VWF: variants seen among roughly 807,000 people sequenced by gnomAD.
The protein encoded by VWF is von Willebrand factor, also known as Factor VIII related antigen.
In VWF, 176 loss-of-function variants were observed where a neutral mutation model predicts 308.6. That is an observed-to-expected ratio of 0.57 (90% CI 0.50 to 0.65). VWF has a LOEUF of 0.65. Among genes scored for constraint, VWF ranks in the 30% least tolerant of loss-of-function variants. The pLI is 0.00. For synonymous variants in VWF, 1,385 were observed against 1,443.4 expected (o/e 0.96, Z 0.92); for missense variants, 3,146 against 3,648.2 (o/e 0.86, Z 3.55).
At chr12:6,003,977 G>A (rs1158035289) in intron 34 of VWF, among the ~76,000 whole-genome samples, 2 of 151,864 alleles carry the variant, frequency 1.3e-5, no homozygotes, top group African/African-American at 2.4e-5. Context: ...CACCACGCCC[G>A]GCTAATTTTT....
At position 6,063,537 on chromosome 12, in the gene VWF, G is replaced by A. The variant is rs1298300741; in HGVS notation, c.1433-483C>T. Among the ~76,000 whole-genome samples, 2 of 152,108 alleles carry A rather than the reference G, an allele frequency of 1.3e-5. No individual in the cohort carries two copies. The highest frequency in any genetic ancestry group is 6.6e-5 in the Admixed American group (1 of 15,266). On this transcript the variant is annotated intron_variant, in intron 12 of 51. Coordinates refer to ENST00000261405, the MANE Select transcript of VWF (RefSeq NM_000552.5). This position sits in a 1 kb window ranked among gnomAD's most constrained non-coding sequence, Gnocchi z 4.9. Reference sequence around the variant, plus strand: ...TAGGAGCACACCCCTTGCCCTGGGGGAACAAACATATCTTATAAGGAGACA... The same window carrying A: ...TAGGAGCACACCCCTTGCCCTGGGGAAACAAACATATCTTATAAGGAGACA...
At chr12:6,106,210 T>G (rs1466357048) in intron 5 of VWF, among the ~76,000 whole-genome samples, 1 of 152,220 alleles carries the variant, frequency 6.6e-6, no homozygotes, top group African/African-American at 2.4e-5. Flanking sequence ...TGAAATTTTT[T>G]TTCTTTTCCT....
Position 5,976,152 on chromosome 12 carries a change from C to T in VWF, c.7396G>A (p.Ala2466Thr). Reference sequence around the variant, plus strand: ...TCACAGGGCTTCTGGGAGCACTGGGCCACGCGGAGGCCCATCACGGCATCC... The same window carrying T: ...TCACAGGGCTTCTGGGAGCACTGGGTCACGCGGAGGCCCATCACGGCATCC... ...MEDAVMGLRV[A>T]QCSQKPCEDS... The change falls in exon 43 of 52, where the codon GCC (alanine) becomes ACC (threonine). Residue 2466 changes from alanine (A) to threonine (T), a missense_variant. Transcript: ENST00000261405. The T allele has an allele frequency of 1.9e-6, 3 of 1,614,072 alleles. No homozygotes were observed. Among genetic ancestry groups the T allele is most frequent in the Non-Finnish European group, 1.7e-6 (2 of 1,180,040 alleles).
chr12:6,003,714 T>C (rs752205142), intron 34 of VWF, among the ~76,000 whole-genome samples: 4 of 152,024 alleles, frequency 2.6e-5, no homozygotes, highest in Admixed American at 6.5e-5. Context: ...TGGGGTATCA[T>C]TGTCTAATGA....
chr12:6,057,494 T>C (rs1189306876), intron 14 of VWF, among the ~76,000 whole-genome samples: 1 of 139,976 alleles, frequency 7.1e-6, no homozygotes, highest in African/African-American at 2.8e-5. Context: ...TTATTATTAT[T>C]ATTATTATTA....
rs1944054577 is a variant in VWF, at chr12:6,016,176, G to A, written c.5368C>T (p.Pro1790Ser). ...ATGACCACCGCCTTTGAGGCTCCCG[G>A]CCTGGCACCATGCATTTCTGAAGTC... ...YLTSEMHGARPGASKAVVILV... is the reference protein window; with the variant it reads ...YLTSEMHGARSGASKAVVILV... Residue 1790 changes from proline (P) to serine (S), a missense_variant, in exon 31 of 52, where the codon CCG becomes TCG. Coordinates refer to ENST00000261405, the MANE Select transcript of VWF (RefSeq NM_000552.5). 6.2e-7 allele frequency: 1 copy of A among 1,614,032 alleles called. No homozygotes were observed. Among genetic ancestry groups the A allele is most frequent in the Admixed American group, 1.7e-5 (1 of 59,996 alleles).
chr12:6,095,781 G>T, intron 5 of VWF, 197 bp from the exon 6 acceptor site: 1 of 685,452 alleles, frequency 1.5e-6, no homozygotes, highest in Non-Finnish European at 2.4e-6. Flanking sequence ...CAGCACAGGA[G>T]TTTTGACTTG....
intron 5 of VWF, among the ~76,000 whole-genome samples, chr12:6,106,850 G>A (rs541396483): frequency 6.3e-4 from 92 of 146,504 alleles, no homozygotes; most frequent in Non-Finnish European, 8.6e-4. Flanking sequence ...ACTGCAGCCT[G>A]GGCAACAAGA....
chr12:5,959,376 A>G (rs1406897161), intron 47 of VWF, among the ~76,000 whole-genome samples: 1 of 152,126 alleles, frequency 6.6e-6, no homozygotes, highest in African/African-American at 2.4e-5. Flanking sequence ...AATCTTAGTC[A>G]GTGATTTTTA....
At chr12:6,013,328 C>T (rs1283970060) in intron 32 of VWF, among the ~76,000 whole-genome samples, 153 bp downstream of exon 32, 1 of 152,196 alleles carries the variant, frequency 6.6e-6, no homozygotes, top group Middle Eastern at 3.2e-3. Flanking sequence ...TGAACAGAAA[C>T]TTAAAGGTCC....
At chr12:6,073,047 A>T (rs953540803) in intron 8 of VWF, among the ~76,000 whole-genome samples, 1 of 152,010 alleles carries the variant, frequency 6.6e-6, no homozygotes, top group African/African-American at 2.4e-5. Context: ...TTGTATTTTT[A>T]GTGGAGACGG....
intron 9 of VWF, among the ~76,000 whole-genome samples, chr12:6,071,783 A>C (rs1944785653): frequency 6.6e-6 from 1 of 152,168 alleles, no homozygotes; most frequent in South Asian, 2.1e-4. Context: ...CAAAGGGAGG[A>C]GGCCTGGGGA....
intron 6 of VWF, among the ~76,000 whole-genome samples, chr12:6,093,239 T>C (rs1183440911): frequency 2.0e-5 from 3 of 152,108 alleles, no homozygotes; most frequent in Admixed American, 1.3e-4. Context: ...TAGGTGCCCA[T>C]TCAGAGCCCG....
In VWF at chr12:6,038,236, A is replaced by T. The variant is rs189710597; in HGVS notation, c.2443-1745T>A. Among the ~76,000 whole-genome samples the T allele has an allele frequency of 2.0e-5, 3 of 152,320 alleles. No individual in the cohort carries two copies. The East Asian group carries it at 5.8e-4, about 29-fold the overall frequency. On this transcript the variant is annotated intron_variant, in intron 18 of 51. Transcript: ENST00000261405. ...ATCGCCCCGTCCAGTGTCAGCTCTG[A>T]CTTAAGCCTGAGGCCCACCACCTAG...
intron 43 of VWF, among the ~76,000 whole-genome samples, chr12:5,972,973 G>A (rs549847745): frequency 5.9e-5 from 9 of 152,274 alleles, no homozygotes; most frequent in Middle Eastern, 3.4e-3. Context: ...CTGAATGATC[G>A]AGATTCGCAT....
intron 42 of VWF, 138 bp downstream of exon 42, chr12:5,981,648 T>G: frequency 3.0e-6 from 3 of 1,003,966 alleles, no homozygotes; most frequent in South Asian, 1.4e-5. Context: ...AAATCTTCCA[T>G]GAGGAGCACA....
chr12:6,042,039 GC>G, intron 18 of VWF, among the ~76,000 whole-genome samples: 1 of 152,320 alleles, frequency 6.6e-6, no homozygotes, highest in East Asian at 1.9e-4. Flanking sequence ...GGGGCCCACA[GC>G]CATGCATCAT....
intron 31 of VWF, among the ~76,000 whole-genome samples, chr12:6,015,624 TC>T (rs1041978764): frequency 2.6e-5 from 4 of 151,948 alleles, no homozygotes; most frequent in Non-Finnish European, 1.5e-5. Flanking sequence ...TCCTTCCCTT[TC>T]CTACAGCATG....
At chr12:6,021,567 A>C in intron 27 of VWF, 1 of 305,834 alleles carries the variant, frequency 3.3e-6, no homozygotes, top group South Asian at 3.2e-5. Context: ...ACTAGTCATG[A>C]CCTACAAGGA....
Sources: allele counts gnomAD v4.1 joint callset (sites outside exome capture counted in the v4.1 genomes callset), GRCh38; gene constraint gnomAD v4.1.1; non-coding constraint Gnocchi (gnomAD v3.1); transcripts MANE v1.5; gene names NCBI Gene and HGNC (gene_info 2026-07-23, HGNC 2026-07-21).